Variants in CUL5 observed in about 807,000 individuals in gnomAD.
The protein encoded by CUL5 is cullin 5.
Under a neutral mutation model 108.8 loss-of-function variants are expected in CUL5, and 26 were observed. The ratio of observed to expected loss-of-function variants is 0.24; its 90% CI spans 0.18 to 0.33. The LOEUF (loss-of-function observed/expected upper bound fraction) is 0.33, where lower values mean the gene tolerates loss of function less well. CUL5 is among the 10% of genes least tolerant of loss of function. CUL5 has a pLI of 1.00. For missense variants in CUL5, 524 were observed against 909.2 expected (o/e 0.58, Z 5.45); for synonymous variants, 334 against 298.0 (o/e 1.12, Z -1.25).
At chr11:108,024,626 A>G (rs75176020) in intron 1 of CUL5, among the ~76,000 whole-genome samples, 1 of 152,220 alleles carries the variant, frequency 6.6e-6, no homozygotes, top group Non-Finnish European at 1.5e-5. Context: ...AGAAGATACA[A>G]ATGCTGAACT....
intron 3 of CUL5, among the ~76,000 whole-genome samples, chr11:108,047,802 T>C (rs1863103358): frequency 6.6e-6 from 1 of 152,208 alleles, no homozygotes; most frequent in African/African-American, 2.4e-5. Flanking sequence ...CACGTTTTCT[T>C]TTTATGACTT....
intron 5 of CUL5, among the ~76,000 whole-genome samples, chr11:108,053,168 C>T (rs578214361): frequency 6.6e-6 from 1 of 152,240 alleles, no homozygotes; most frequent in Non-Finnish European, 1.5e-5. Context: ...GGAGTACATT[C>T]TCTCTTACTT....
intron 4 of CUL5, 137 bp from the exon 5 acceptor site, chr11:108,052,523 A>G (rs113431120): frequency 5.7e-6 from 4 of 699,200 alleles, no homozygotes; most frequent in Non-Finnish European, 6.8e-6. Context: ...CGGCCTCCCA[A>G]ATTGTTGGGA....
intron 13 of CUL5, among the ~76,000 whole-genome samples, chr11:108,090,759 A>C (rs1233832287): frequency 2.6e-5 from 4 of 152,018 alleles, no homozygotes; most frequent in African/African-American, 9.7e-5. Context: ...AACTCTCTCC[A>C]CATATATATG....
intron 16 of CUL5, among the ~76,000 whole-genome samples, chr11:108,097,056 C>CAAGA (rs1219249436): frequency 9.2e-5 from 14 of 152,194 alleles, no homozygotes; most frequent in African/African-American, 3.4e-4. Context: ...CTTGCTCTGT[C>CAAGA]CTCCAGGTTG....
chr11:108,026,705 AT>A (rs1862459575), intron 1 of CUL5, among the ~76,000 whole-genome samples: 1 of 152,150 alleles, frequency 6.6e-6, no homozygotes, highest in South Asian at 2.1e-4. Flanking sequence ...TTAAAAAATT[AT>A]TTGGCCAGGC....
chr11:108,078,576 TA>T (rs1478878359), intron 11 of CUL5, among the ~76,000 whole-genome samples: 1 of 152,174 alleles, frequency 6.6e-6, no homozygotes, highest in Admixed American at 6.5e-5. Flanking sequence ...GAACTCAGTT[TA>T]AATGTAAATT....
Position 108,015,059 on chromosome 11 carries a change from C to T in CUL5, c.24+5687C>T, listed in dbSNP as rs767001603. On this transcript the variant is annotated intron_variant, in intron 1 of 18. Coordinates refer to ENST00000393094, the MANE Select transcript of CUL5 (RefSeq NM_003478.6). ...GATTACCGGTGACCACCACCATGCT[C>T]GGCTGATTTTTGCATTTTTAGTAGA... is the stretch of plus-strand genomic sequence containing the variant. Among the ~76,000 whole-genome samples, 20 of 152,182 alleles carry T rather than the reference C, an allele frequency of 1.3e-4. 1 individual carries two copies. Among genetic ancestry groups the T allele is most frequent in the Middle Eastern group, 6.8e-3 (2 of 294 alleles).
At chr11:108,022,542 A>G (rs948352900) in intron 1 of CUL5, among the ~76,000 whole-genome samples, 9 of 152,212 alleles carry the variant, frequency 5.9e-5, no homozygotes, top group Non-Finnish European at 1.5e-5. Context: ...GATATGTTCT[A>G]GAAAGATCTA....
chr11:108,077,116 A>T (rs1863959474), intron 10 of CUL5, among the ~76,000 whole-genome samples: 1 of 152,242 alleles, frequency 6.6e-6, no homozygotes, highest in Admixed American at 6.5e-5. Context: ...GATAGAAAAG[A>T]GGACAGATCC....
Position 108,104,422 on chromosome 11 carries a change from T to A in CUL5, c.*38T>A. ...TGGACAATATTTAGAACCCAAATTT[T>A]GGAGTGCTTGGGCAGAAAGTTGTAA... On this transcript the variant is annotated 3_prime_UTR_variant, in exon 19 of 19. Transcript: ENST00000393094. 1 of 1,323,624 alleles carries A rather than the reference T, an allele frequency of 7.6e-7. No homozygotes were observed. Among genetic ancestry groups the A allele is most frequent in the Non-Finnish European group, 1.0e-6 (1 of 984,932 alleles). 82.0% of individuals were successfully genotyped at this position (1,323,624 alleles called of 1,614,324 possible).
In CUL5 at chr11:108,034,063, TATG is replaced by T. The variant is rs889147077; in HGVS notation, c.134+158_134+160del. ...GAGGGTCTCCAAGACCTCTCCCAGGTATGATGATTTGCTAGGGGGCTCACAGGA... is the reference window on the plus strand; with the variant it reads ...GAGGGTCTCCAAGACCTCTCCCAGGTATGATTTGCTAGGGGGCTCACAGGA... On this transcript the variant is annotated intron_variant, in intron 2 of 18. Transcript: ENST00000393094. 1.1e-4 allele frequency: 65 copies of T among 587,014 alleles called. No individual in the cohort carries two copies. The African/African-American group carries it at 1.2e-3, about 10-fold the overall frequency. 36.4% of individuals were successfully genotyped at this position (587,014 alleles called of 1,614,324 possible).
intron 18 of CUL5, among the ~76,000 whole-genome samples, chr11:108,101,024 T>C (rs567321614): frequency 6.6e-6 from 1 of 152,202 alleles, no homozygotes; most frequent in East Asian, 1.9e-4. Context: ...CAAGACTCCA[T>C]CTAAAAAAAA....
chr11:108,046,904 GT>G (rs952877843), intron 3 of CUL5, among the ~76,000 whole-genome samples: 4 of 151,780 alleles, frequency 2.6e-5, no homozygotes, highest in Non-Finnish European at 4.4e-5. Flanking sequence ...GTTTTGTTTT[GT>G]TTTTTTTCTG....
At chr11:108,036,955 G>C (rs1329351927) in intron 2 of CUL5, among the ~76,000 whole-genome samples, 2 of 152,238 alleles carry the variant, frequency 1.3e-5, no homozygotes, top group East Asian at 3.9e-4. Context: ...CCCCACTCCT[G>C]TTTCTCCCCT....
At chr11:108,095,446 T>C in intron 15 of CUL5, 84 bp from the exon 16 acceptor site, 1 of 992,374 alleles carries the variant, frequency 1.0e-6, no homozygotes, top group South Asian at 1.8e-5. Flanking sequence ...ACAGCAACCT[T>C]TTTCATATAT....
chr11:108,038,810 G>A (rs941634865), intron 2 of CUL5, among the ~76,000 whole-genome samples: 1 of 152,044 alleles, frequency 6.6e-6, no homozygotes, highest in African/African-American at 2.4e-5. Context: ...TTTTGGCCAT[G>A]TTAATCGTTA....
chr11:108,019,578 G>T (rs1862280382), intron 1 of CUL5, among the ~76,000 whole-genome samples: 1 of 152,128 alleles, frequency 6.6e-6, no homozygotes, highest in Non-Finnish European at 1.5e-5. Context: ...GTTTATTGTA[G>T]CCCTTGTAAC....
intron 4 of CUL5, among the ~76,000 whole-genome samples, chr11:108,051,401 G>A (rs1401875511): frequency 1.3e-5 from 2 of 152,186 alleles, no homozygotes; most frequent in Admixed American, 6.5e-5. Flanking sequence ...AATGTGGAAA[G>A]TTAGCTTTGC....
Sources: gnomAD v4.1 joint callset for allele counts (sites outside exome capture counted in the v4.1 genomes callset) on GRCh38, gnomAD v4.1.1 for gene constraint, MANE v1.5 for transcripts, NCBI Gene and HGNC (gene_info 2026-07-23, HGNC 2026-07-21) for gene names.